ALMS1: variants seen among roughly 807,000 people sequenced by gnomAD.
ALMS1 encodes ALMS1 centrosome and basal body associated protein, also known as centrosome-associated protein ALMS1.
ALMS1 carries 271 observed loss-of-function variants against 352.2 expected under a neutral mutation model. The observed-to-expected ratio is 0.77, with a 90% CI of 0.70 to 0.85. The LOEUF is 0.85. ALMS1 is among the 40% of genes least tolerant of loss of function. The pLI is 0.00. For synonymous variants in ALMS1, 1,865 were observed against 1,761.2 expected (o/e 1.06, Z -1.48); for missense variants, 5,445 against 4,870.7 (o/e 1.12, Z -3.51).
At chr2:73,470,319 A>G (rs899330658) in intron 9 of ALMS1, 1 of 151,632 alleles carries the variant, frequency 6.6e-6, no homozygotes, top group African/African-American at 2.4e-5. Flanking sequence ...AAAATAGGCA[A>G]TTATCATTAG....
At chr2:73,501,122 C>T (rs551455596) in intron 10 of ALMS1, among the ~76,000 whole-genome samples, 1 of 152,200 alleles carries the variant, frequency 6.6e-6, no homozygotes, top group African/African-American at 2.4e-5. Flanking sequence ...GTGTCTCTTG[C>T]CCATTTGCAT....
intron 11 of ALMS1, among the ~76,000 whole-genome samples, chr2:73,523,047 C>CA (rs1251197456): frequency 6.6e-6 from 1 of 152,168 alleles, no homozygotes; most frequent in African/African-American, 2.4e-5. Context: ...TAACAACACT[C>CA]ATAGTCACAA....
intron 7 of ALMS1, among the ~76,000 whole-genome samples, chr2:73,434,251 A>G (rs188508053): frequency 3.7e-4 from 57 of 152,250 alleles, no homozygotes; most frequent in African/African-American, 1.3e-3. Context: ...ATGTATACAA[A>G]TTGATAAATT....
intron 12 of ALMS1, among the ~76,000 whole-genome samples, chr2:73,542,552 T>G (rs1040036405): frequency 2.6e-5 from 4 of 152,122 alleles, no homozygotes; most frequent in East Asian, 1.9e-4. Context: ...GGTATTCAAT[T>G]AGGAAAAGAG....
intron 9 of ALMS1, among the ~76,000 whole-genome samples, chr2:73,457,543 A>G (rs1417490773): frequency 6.6e-6 from 1 of 152,056 alleles, no homozygotes; most frequent in Non-Finnish European, 1.5e-5. Flanking sequence ...CGCCCTATGT[A>G]ATACTTTTTA....
Position 73,600,685 on chromosome 2 carries a change from G to A in ALMS1, c.11676G>A (p.Leu3892=), listed in dbSNP as rs2104193095. The change falls in exon 18 of 23, where the codon TTG becomes TTA. Residue 3892 remains leucine, a synonymous_variant. Coordinates refer to ENST00000613296, the MANE Select transcript of ALMS1 (RefSeq NM_001378454.1). ...MLNKGIQAGN[L]EIVNGAKKHT... Reference sequence around the variant, plus strand: ...TATGATCCTTCCCCTCAGGTAACTTGGAGATTGTGAACGGTGCCAAAAAAC... The same window carrying A: ...TATGATCCTTCCCCTCAGGTAACTTAGAGATTGTGAACGGTGCCAAAAAAC... The A allele has an allele frequency of 6.2e-7, 1 of 1,613,090 alleles. No individual in the cohort carries two copies. The highest frequency in any genetic ancestry group is 1.1e-5 in the South Asian group (1 of 90,906).
chr2:73,457,772 C>T (rs1411831957), intron 9 of ALMS1, among the ~76,000 whole-genome samples: 1 of 151,920 alleles, frequency 6.6e-6, no homozygotes, highest in Admixed American at 6.6e-5. Context: ...GTGGCTCATG[C>T]CTGTAATCCT....
chr2:73,434,942 G>A (rs1415439085), intron 7 of ALMS1, among the ~76,000 whole-genome samples: 1 of 152,070 alleles, frequency 6.6e-6, no homozygotes, highest in African/African-American at 2.4e-5. Context: ...GACTATAGGC[G>A]TGTGCCCACC....
At chr2:73,437,733 GCA>G (rs1216963881) in intron 7 of ALMS1, among the ~76,000 whole-genome samples, 3 of 152,036 alleles carry the variant, frequency 2.0e-5, no homozygotes, top group Non-Finnish European at 4.4e-5. Context: ...TTAATATTAT[GCA>G]CAGTCTTGAC....
intron 9 of ALMS1, among the ~76,000 whole-genome samples, chr2:73,468,157 C>T (rs1672395912): frequency 2.0e-5 from 3 of 151,816 alleles, no homozygotes; most frequent in South Asian, 4.1e-4. Flanking sequence ...AGAAGGCAAC[C>T]ATTTCTAATC....
intron 13 of ALMS1, among the ~76,000 whole-genome samples, chr2:73,556,948 C>T (rs1294986460): frequency 9.9e-5 from 15 of 152,046 alleles, no homozygotes; most frequent in Admixed American, 4.6e-4. Context: ...GTGATCCACC[C>T]GCCTCAGCCT....
chr2:73,592,698 TG>T (rs751935037), intron 16 of ALMS1, among the ~76,000 whole-genome samples: 20 of 152,198 alleles, frequency 1.3e-4, no homozygotes, highest in Non-Finnish European at 1.2e-4. Flanking sequence ...TTTCCTATGT[TG>T]GATATGTTTT....
intron 10 of ALMS1, 133 bp from the exon 11 acceptor site, chr2:73,519,642 C>A: frequency 2.7e-6 from 3 of 1,129,570 alleles, no homozygotes; most frequent in Non-Finnish European, 2.5e-6. Context: ...ACCTTAATAA[C>A]GTTTGACATT....
chr2:73,432,822 T>C (rs1286640129), intron 7 of ALMS1, among the ~76,000 whole-genome samples: 3 of 152,172 alleles, frequency 2.0e-5, no homozygotes, highest in African/African-American at 7.2e-5. Context: ...AGAGGAATCA[T>C]TTGGTTTTTC....
chr2:73,473,667 A>G (rs1672514070), intron 9 of ALMS1, among the ~76,000 whole-genome samples: 1 of 151,182 alleles, frequency 6.6e-6, no homozygotes, highest in Non-Finnish European at 1.5e-5. Context: ...ATTTCCCACC[A>G]AAAAGAAATA....
chr2:73,429,473 G>A (rs1223525266), intron 6 of ALMS1, among the ~76,000 whole-genome samples: 3 of 151,868 alleles, frequency 2.0e-5, no homozygotes, highest in Non-Finnish European at 4.4e-5. Context: ...AGTAGAGACG[G>A]GGTTTCACCA....
Position 73,385,842 on chromosome 2 carries a change from C to G in ALMS1, c.-27C>G, listed in dbSNP as rs554379302. 4 of 707,606 alleles carry G rather than the reference C, an allele frequency of 5.7e-6. No homozygotes were observed. In the Admixed American group the frequency reaches 8.1e-5, roughly 14 times the overall value. The allele number at this position is 707,606 out of a possible 1,614,324, so 43.8% of individuals were successfully genotyped here. On this transcript the variant is annotated 5_prime_UTR_variant, in exon 1 of 23. Transcript: ENST00000613296. Reference sequence around the variant, plus strand: ...CCTCCCTCCCCCCCTCCTCCTCCTCCTCTGCCGCCCAGAGCGAGACACCAA... The same window carrying G: ...CCTCCCTCCCCCCCTCCTCCTCCTCGTCTGCCGCCCAGAGCGAGACACCAA...
At chr2:73,587,938 G>A (rs1675344799) in intron 16 of ALMS1, among the ~76,000 whole-genome samples, 1 of 151,994 alleles carries the variant, frequency 6.6e-6, no homozygotes, top group Non-Finnish European at 1.5e-5. Flanking sequence ...TTAAATTCCT[G>A]GAAATATACA....
At chr2:73,537,932 C>A (rs896817958) in intron 12 of ALMS1, among the ~76,000 whole-genome samples, 1 of 152,056 alleles carries the variant, frequency 6.6e-6, no homozygotes, top group African/African-American at 2.4e-5. Flanking sequence ...CTTGAACCCT[C>A]GAGTTTAAGG....
Sources: gnomAD v4.1 joint callset for allele counts (sites outside exome capture counted in the v4.1 genomes callset) on GRCh38, gnomAD v4.1.1 for gene constraint, MANE v1.5 for transcripts, NCBI Gene and HGNC (gene_info 2026-07-23, HGNC 2026-07-21) for gene names.